Variants in STARD13 observed in about 807,000 individuals in gnomAD.
STARD13 encodes stAR-related lipid transfer protein 13.
Under a neutral mutation model 106.4 loss-of-function variants are expected in STARD13, and 62 were observed. The observed-to-expected ratio is 0.58, with a 90% confidence interval of 0.48 to 0.72. The LOEUF (loss-of-function observed/expected upper bound fraction) is 0.72. STARD13 is among the 30% of genes least tolerant of loss of function. STARD13 has a pLI of 0.00. For synonymous variants in STARD13, 565 were observed against 553.0 expected, an observed-to-expected ratio of 1.02 and a Z score of -0.31; for missense variants, 1,387 against 1,424.0, an observed-to-expected ratio of 0.97 and a Z score of 0.42.
chr13:33,358,093 G>A, the STARD13 span, among the ~76,000 whole-genome samples: 11 of 152,364 alleles, frequency 7.2e-5, no homozygotes, highest in Non-Finnish European at 1.3e-4. Context: ...CAGCCCTGCT[G>A]GCCCCGGGCA....
chr13:33,217,980 A>G (rs1224619232), intron 1 of STARD13, among the ~76,000 whole-genome samples: 1 of 121,498 alleles, frequency 8.2e-6, no homozygotes, highest in African/African-American at 4.0e-5. Flanking sequence ...AGCAGACTAT[A>G]TTACACACAC....
the STARD13 span, among the ~76,000 whole-genome samples, chr13:33,653,333 T>C: frequency 2.0e-5 from 3 of 152,038 alleles, no homozygotes; most frequent in Non-Finnish European, 2.9e-5. Flanking sequence ...GATAGACATA[T>C]AGACTAATGG....
chr13:33,302,629 AC>A (rs1892763615), intron 1 of STARD13, among the ~76,000 whole-genome samples: 1 of 151,272 alleles, frequency 6.6e-6, no homozygotes, highest in African/African-American at 2.4e-5. Context: ...CTGGTCTTGA[AC>A]TCCTACACTC....
At chr13:33,241,140 C>T (rs1889468707) in intron 1 of STARD13, among the ~76,000 whole-genome samples, 1 of 152,134 alleles carries the variant, frequency 6.6e-6, no homozygotes, top group African/African-American at 2.4e-5. Flanking sequence ...ATTCCATGAG[C>T]TTACAGGTAT....
At chr13:33,264,870 C>T (rs777161044) in intron 1 of STARD13, among the ~76,000 whole-genome samples, 1 of 152,156 alleles carries the variant, frequency 6.6e-6, no homozygotes, top group Non-Finnish European at 1.5e-5. Flanking sequence ...AACCTCTGCC[C>T]ATCTTGACCC....
At chr13:33,423,325 C>G in the STARD13 span, among the ~76,000 whole-genome samples, 3 of 152,124 alleles carry the variant, frequency 2.0e-5, no homozygotes, top group African/African-American at 7.2e-5. Flanking sequence ...TTTATGCAGC[C>G]AACAGACACA....
exon 1 of STARD13, chr13:33,350,486 G>C (rs996651502): frequency 7.4e-6 from 11 of 1,483,804 alleles, no homozygotes; most frequent in South Asian, 1.3e-5. Context: ...TCAGACTCCC[G>C]GCGACTGGAA....
intron 1 of STARD13, among the ~76,000 whole-genome samples, chr13:33,246,663 T>G (rs1889836908): frequency 1.3e-5 from 2 of 152,022 alleles, no homozygotes; most frequent in African/African-American, 4.8e-5. Context: ...TTCACTCAGG[T>G]TATTAGACAA....
At chr13:33,145,887 A>G (rs897028822) in intron 3 of STARD13, among the ~76,000 whole-genome samples, 1 of 152,168 alleles carries the variant, frequency 6.6e-6, no homozygotes, top group African/African-American at 2.4e-5. Flanking sequence ...GAGGTCACAA[A>G]AATGTTCTGT....
the STARD13 span, among the ~76,000 whole-genome samples, chr13:33,508,997 A>C: frequency 6.6e-6 from 1 of 150,974 alleles, no homozygotes; most frequent in African/African-American, 2.4e-5. Flanking sequence ...TCTAACATAG[A>C]AAACATAGAA....
the STARD13 span, among the ~76,000 whole-genome samples, chr13:33,661,532 A>G: frequency 6.6e-6 from 1 of 152,224 alleles, no homozygotes; most frequent in African/African-American, 2.4e-5. Flanking sequence ...AAAGAGGTTT[A>G]ACTGACTCAC....
the STARD13 span, among the ~76,000 whole-genome samples, chr13:33,551,711 G>A: frequency 6.8e-6 from 1 of 147,834 alleles, no homozygotes; most frequent in Non-Finnish European, 1.5e-5. Flanking sequence ...TGATTCTCCT[G>A]CCTTATCCTC....
the STARD13 span, among the ~76,000 whole-genome samples, chr13:33,402,970 C>A: frequency 6.6e-6 from 1 of 152,206 alleles, no homozygotes; most frequent in Admixed American, 6.5e-5. Flanking sequence ...GGCAAGAGCT[C>A]GGGATACAGA....
At chr13:33,543,637 A>G in the STARD13 span, among the ~76,000 whole-genome samples, 1 of 152,188 alleles carries the variant, frequency 6.6e-6, no homozygotes. Flanking sequence ...TATTTCTCCT[A>G]TAGTAATGCT....
chr13:33,468,405 G>C, the STARD13 span, among the ~76,000 whole-genome samples: 1 of 152,154 alleles, frequency 6.6e-6, no homozygotes, highest in Non-Finnish European at 1.5e-5. Flanking sequence ...GTGTCAGTCA[G>C]AAACTCTACC....
intron 3 of STARD13, among the ~76,000 whole-genome samples, chr13:33,148,532 A>C (rs2147813): frequency 0.47 from 70,688 of 152,010 alleles, 16,655 homozygotes; most frequent in East Asian, 0.58. Flanking sequence ...CATGAGATAC[A>C]ACCACATATC....
the STARD13 span, among the ~76,000 whole-genome samples, chr13:33,458,820 T>A: frequency 6.8e-6 from 1 of 147,914 alleles, no homozygotes; most frequent in African/African-American, 2.5e-5. Context: ...GTTTACTTTT[T>A]TTTTTTTTTT....
the STARD13 span, among the ~76,000 whole-genome samples, chr13:33,643,795 T>C: frequency 1.3e-5 from 2 of 152,208 alleles, no homozygotes; most frequent in African/African-American, 4.8e-5. Flanking sequence ...ACAACTCTCC[T>C]AACTCAGACT....
chr13:33,674,041 G>A, the STARD13 span, among the ~76,000 whole-genome samples: 1 of 151,874 alleles, frequency 6.6e-6, no homozygotes, highest in Non-Finnish European at 1.5e-5. Flanking sequence ...TGTATTTTTA[G>A]TAGAGACAGG....
Sources: gnomAD v4.1 joint callset for allele counts (sites outside exome capture counted in the v4.1 genomes callset) on GRCh38, gnomAD v4.1.1 for gene constraint, MANE v1.5 for transcripts, NCBI Gene and HGNC (gene_info 2026-07-23, HGNC 2026-07-21) for gene names.